EPS8: variants seen among roughly 807,000 people sequenced by gnomAD.
EPS8 encodes the protein epidermal growth factor receptor kinase substrate 8.
A neutral mutation model predicts 103.8 loss-of-function variants in EPS8; 42 were observed. That is an observed-to-expected ratio of 0.40 (90% CI 0.32 to 0.52). The LOEUF (loss-of-function observed/expected upper bound fraction) is 0.52, where lower values mean the gene tolerates loss of function less well. EPS8 is among the 20% of genes least tolerant of loss of function. The pLI, the probability that EPS8 is intolerant of heterozygous loss-of-function variation, is 0.40. For synonymous variants in EPS8, 344 were observed against 344.6 expected (o/e 1.00, Z 0.02); for missense variants, 969 against 1,005.1 (o/e 0.96, Z 0.49).
At position 15,749,817 on chromosome 12, in the gene EPS8, T is replaced by C. The variant is rs926131484; in HGVS notation, c.-22+39344A>G. On this transcript the variant is annotated intron_variant, in intron 1 of 20. Transcript: ENST00000281172. The surrounding 1 kb of genome is among the most constrained non-coding windows in gnomAD (Gnocchi z 4.0). ...TCTAACATTAGTTAGGGAATATTAGTTGTGCTTCCACACACCAGTAAGCCC... is the reference window on the plus strand; with the variant it reads ...TCTAACATTAGTTAGGGAATATTAGCTGTGCTTCCACACACCAGTAAGCCC... Among the ~76,000 whole-genome samples the C allele has an allele frequency of 1.3e-5, 2 of 152,218 alleles. No individual in the cohort carries two copies. Among genetic ancestry groups the C allele is most frequent in the Admixed American group, 6.5e-5 (1 of 15,276 alleles).
At position 15,766,456 on chromosome 12, in the gene EPS8, C is replaced by T. The variant is rs141587155; in HGVS notation, c.-22+22705G>A. 3.1e-3 allele frequency among the ~76,000 whole-genome samples: 466 copies of T among 149,932 alleles called. 3 individuals are homozygous for T. The highest frequency in any genetic ancestry group is 4.9e-3 in the Non-Finnish European group (330 of 67,546). The stretch of plus-strand genomic sequence containing the variant: ...TGCAGTGAGCCGAGCCGAGATTGCG[C>T]CACTGCACTCCAGCCTGGTGACAGA... On this transcript the variant is annotated intron_variant, in intron 1 of 20. Coordinates refer to ENST00000281172, the MANE Select transcript of EPS8 (RefSeq NM_004447.6).
At chr12:15,740,324 A>T (rs1374437591) in intron 1 of EPS8, among the ~76,000 whole-genome samples, 1 of 152,114 alleles carries the variant, frequency 6.6e-6, no homozygotes, top group Non-Finnish European at 1.5e-5. Context: ...AGGCTGGCAG[A>T]TCATGAGGTC....
rs1387771190 is a variant in EPS8, at chr12:15,762,689, A to C, written c.-22+26472T>G. 6.6e-6 allele frequency among the ~76,000 whole-genome samples: 1 copy of C among 152,176 alleles called. No homozygotes were observed. The highest frequency in any genetic ancestry group is 6.5e-5 in the Admixed American group (1 of 15,272). ...TAAGCCAGGCACAGAAAAACATCAT[A>C]TGTTCTCATTTATTTGCAGAATCTA... On this transcript the variant is annotated intron_variant, in intron 1 of 20. Transcript: ENST00000281172. This position sits in a 1 kb window ranked among gnomAD's most constrained non-coding sequence, Gnocchi z 4.8.
intron 1 of EPS8, among the ~76,000 whole-genome samples, chr12:15,694,792 G>A (rs1033196022): frequency 1.3e-5 from 2 of 152,026 alleles, no homozygotes. Flanking sequence ...AAAAATAATT[G>A]AGCCTATTAT....
rs1007090219 is a variant in EPS8 at position 15,781,775 on chromosome 12, A to C, written c.-22+7386T>G. The C allele has an allele frequency of 6.6e-6, 1 of 152,368 alleles. No homozygotes were observed. The highest frequency in any genetic ancestry group is 1.5e-5 in the Non-Finnish European group (1 of 68,162). The allele number at this position is 152,368 out of a possible 1,614,324, so 9.4% of individuals were successfully genotyped here. A position where few individuals can be genotyped will look rare whatever the true frequency, so the allele number is the denominator to read the frequency against. On this transcript the variant is annotated intron_variant, in intron 1 of 20. Coordinates refer to ENST00000281172, the MANE Select transcript of EPS8 (RefSeq NM_004447.6). This position sits in a 1 kb window ranked among gnomAD's most constrained non-coding sequence, Gnocchi z 4.1. ...AAGAAGTCCATGGTCGAGGGGCTAC[A>C]TCTGCTAAGAGCCTCCTTGCTGGTG... is the stretch of plus-strand genomic sequence containing the variant.
chr12:15,621,776 G>A (rs1944865898), intron 20 of EPS8, among the ~76,000 whole-genome samples: 1 of 152,104 alleles, frequency 6.6e-6, no homozygotes, highest in African/African-American at 2.4e-5. Context: ...GGACTCTTTT[G>A]GGCTCAAACA....
chr12:15,645,863 T>C lies in EPS8; in HGVS notation c.1568+1264A>G, dbSNP rs185377644. 3.9e-5 allele frequency among the ~76,000 whole-genome samples: 6 copies of C among 152,348 alleles called. No homozygotes were observed. The East Asian group carries it at 1.2e-3, about 29-fold the overall frequency. ...AGTTTTCTAGTGTCAATATGTACTC[T>C]ACATATGTACTCAAGTGGTTTTCTA... On this transcript the variant is annotated intron_variant, in intron 15 of 20. Transcript: ENST00000281172.
rs528130105 is a variant in EPS8 at position 15,706,781 on chromosome 12, T to C, written c.-21-23809A>G. 3.8e-4 allele frequency among the ~76,000 whole-genome samples: 58 copies of C among 152,338 alleles called. No individual in the cohort carries two copies. Among genetic ancestry groups the C allele is most frequent in the African/African-American group, 1.4e-3 (58 of 41,576 alleles). ...AAAGATATTCTTCCTTGGGCAAATT[T>C]TGTAATAAAATGACACAATTCTCCA... On this transcript the variant is annotated intron_variant, in intron 1 of 20. Coordinates refer to ENST00000281172, the MANE Select transcript of EPS8 (RefSeq NM_004447.6). The surrounding 1 kb of genome is among the most constrained non-coding windows in gnomAD (Gnocchi z 5.2).
intron 12 of EPS8, among the ~76,000 whole-genome samples, chr12:15,656,248 A>T (rs1428084335): frequency 6.6e-6 from 1 of 152,200 alleles, no homozygotes; most frequent in African/African-American, 2.4e-5. Context: ...AAAACTAAGG[A>T]ATACAAATTT....
At position 15,696,563 on chromosome 12, in the gene EPS8, C is replaced by T. The variant is rs369456309; in HGVS notation, c.-21-13591G>A. On this transcript the variant is annotated intron_variant, in intron 1 of 20. Transcript: ENST00000281172. The surrounding 1 kb of genome is among the most constrained non-coding windows in gnomAD (Gnocchi z 4.8). ...GGCTAAGGCAGAAGAATTGCTTGAA[C>T]CCAGGAGGCGGAGGTTGCAGTGAGC... Among the ~76,000 whole-genome samples the T allele has an allele frequency of 1.3e-5, 2 of 152,026 alleles. No individual in the cohort carries two copies. Among genetic ancestry groups the T allele is most frequent in the South Asian group, 2.1e-4 (1 of 4,822 alleles).
At chr12:15,678,914 CAA>C (rs34794895) in intron 3 of EPS8, among the ~76,000 whole-genome samples, 7 of 54,762 alleles carry the variant, frequency 1.3e-4, no homozygotes, top group Admixed American at 1.9e-4. Context: ...ACTCTGTCTC[CAA>C]AAAAAAAAAA....
chr12:15,723,436 T>G (rs560927047), intron 1 of EPS8, among the ~76,000 whole-genome samples: 1 of 152,332 alleles, frequency 6.6e-6, no homozygotes. Context: ...TCTTGCTGAT[T>G]TTTCATCTTT....
chr12:15,710,601 C>A (rs542610675), intron 1 of EPS8, among the ~76,000 whole-genome samples: 10 of 152,116 alleles, frequency 6.6e-5, no homozygotes, highest in Non-Finnish European at 1.0e-4. Flanking sequence ...ATATTTTGTA[C>A]ACACGATTCT....
intron 13 of EPS8, among the ~76,000 whole-genome samples, chr12:15,652,551 C>A (rs1945433348): frequency 1.3e-5 from 2 of 151,778 alleles, no homozygotes; most frequent in African/African-American, 4.8e-5. Context: ...ATCATATGTA[C>A]CCTGAAAATA....
chr12:15,702,084 G>A lies in EPS8; in HGVS notation c.-21-19112C>T, dbSNP rs1946318284. Among the ~76,000 whole-genome samples, 1 of 152,210 alleles carries A rather than the reference G, an allele frequency of 6.6e-6. No individual in the cohort carries two copies. The highest frequency in any genetic ancestry group is 2.1e-4 in the South Asian group (1 of 4,832). Reference sequence around the variant, plus strand: ...GTTTGTGAGTCAGGCTAAGCACCATGAGATAAACCACATTTCTCTGCCGTG... The same window carrying A: ...GTTTGTGAGTCAGGCTAAGCACCATAAGATAAACCACATTTCTCTGCCGTG... On this transcript the variant is annotated intron_variant, in intron 1 of 20. Coordinates refer to ENST00000281172, the MANE Select transcript of EPS8 (RefSeq NM_004447.6). The surrounding 1 kb of genome is among the most constrained non-coding windows in gnomAD (Gnocchi z 5.1).
Position 15,662,104 on chromosome 12 carries a change from A to C in EPS8, c.737-5T>G, listed in dbSNP as rs1945615956. The C allele has an allele frequency of 1.2e-6, 2 of 1,611,500 alleles. No homozygotes were observed. The highest frequency in any genetic ancestry group is 1.7e-5 in the Admixed American group (1 of 59,984). On this transcript the variant is annotated splice_region_variant and splice_polypyrimidine_tract_variant and intron_variant, in intron 8 of 20. Transcript: ENST00000281172. ...GATACTGCCTTGGTTTCTCAACTAT[A>C]GAAAGGACAATCATAAGTCTTTCAA...
intron 6 of EPS8, among the ~76,000 whole-genome samples, chr12:15,668,101 ATATT>A (rs1945748629): frequency 6.6e-6 from 1 of 152,144 alleles, no homozygotes; most frequent in Non-Finnish European, 1.5e-5. Flanking sequence ...ATTCCCTTTA[ATATT>A]TATTGACTGA....
chr12:15,630,943 C>G (rs1402072178), intron 18 of EPS8, among the ~76,000 whole-genome samples: 1 of 152,146 alleles, frequency 6.6e-6, no homozygotes, highest in Non-Finnish European at 1.5e-5. Context: ...CCAAAAATGT[C>G]TTCAGGCAAT....
chr12:15,748,640 C>G lies in EPS8; in HGVS notation c.-22+40521G>C, dbSNP rs917667410. Among the ~76,000 whole-genome samples the G allele has an allele frequency of 4.6e-5, 7 of 152,032 alleles. No individual in the cohort carries two copies. In the South Asian group the frequency reaches 1.5e-3, roughly 32 times the overall value. On this transcript the variant is annotated intron_variant, in intron 1 of 20. Coordinates refer to ENST00000281172, the MANE Select transcript of EPS8 (RefSeq NM_004447.6). The surrounding 1 kb of genome is among the most constrained non-coding windows in gnomAD (Gnocchi z 4.8). Reference sequence around the variant, plus strand: ...AACACGTAGCTTTCATTCCTTTCATCTGATATAAAGAAAAGAAAATATGCC... The same window carrying G: ...AACACGTAGCTTTCATTCCTTTCATGTGATATAAAGAAAAGAAAATATGCC...
Sources: gnomAD v4.1 joint callset for allele counts (sites outside exome capture counted in the v4.1 genomes callset) on GRCh38, gnomAD v4.1.1 for gene constraint, Gnocchi (gnomAD v3.1) non-coding constraint, MANE v1.5 for transcripts, NCBI Gene and HGNC (gene_info 2026-07-23, HGNC 2026-07-21) for gene names.